The following TBC1D1 variants were observed in gnomAD, a reference collection of about 807,000 sequenced individuals.
The protein encoded by TBC1D1 is TBC1 (tre-2/USP6, BUB2, cdc16) domain family, member 1.
In TBC1D1, 89 loss-of-function variants were observed where a neutral mutation model predicts 125.6. The observed-to-expected ratio is 0.71, with a 90% confidence interval of 0.60 to 0.85. The LOEUF (loss-of-function observed/expected upper bound fraction) is 0.85. TBC1D1 is among the 40% of genes least tolerant of loss of function. The pLI is 0.00. For missense variants in TBC1D1, 1,377 were observed against 1,469.2 expected (o/e 0.94, Z 1.03); for synonymous variants, 565 against 564.1 (o/e 1.00, Z -0.02).
intron 2 of TBC1D1, among the ~76,000 whole-genome samples, chr4:37,922,912 A>G (rs1721314532): frequency 6.6e-6 from 1 of 152,090 alleles, no homozygotes; most frequent in South Asian, 2.1e-4. Context: ...AACGAAGACA[A>G]TAAGGAGGTG....
chr4:37,956,901 C>A (rs1246756310), intron 2 of TBC1D1, among the ~76,000 whole-genome samples: 1 of 151,182 alleles, frequency 6.6e-6, no homozygotes, highest in East Asian at 1.9e-4. Flanking sequence ...ATCGCGCCAC[C>A]GCACTCCAGC....
intron 12 of TBC1D1, among the ~76,000 whole-genome samples, chr4:38,059,068 C>T (rs1046607991): frequency 3.3e-5 from 5 of 152,242 alleles, no homozygotes; most frequent in Admixed American, 2.0e-4. Context: ...GCACAAAATC[C>T]CCATGAAATA....
intron 2 of TBC1D1, among the ~76,000 whole-genome samples, chr4:37,965,789 C>T (rs550934169): frequency 1.3e-5 from 2 of 152,180 alleles, no homozygotes; most frequent in African/African-American, 4.8e-5. Flanking sequence ...CTCACTCTGT[C>T]ACCAAGGCTG....
chr4:38,010,126 TAAAG>T (rs748783251), intron 2 of TBC1D1, among the ~76,000 whole-genome samples: 1 of 152,242 alleles, frequency 6.6e-6, no homozygotes, highest in Non-Finnish European at 1.5e-5. Flanking sequence ...TTAGACTAAA[TAAAG>T]TTTTACTTGA....
chr4:37,961,982 G>T (rs1730146628), intron 2 of TBC1D1, among the ~76,000 whole-genome samples: 1 of 152,196 alleles, frequency 6.6e-6, no homozygotes, highest in Admixed American at 6.5e-5. Context: ...TAAAACTGGA[G>T]AAGGTTTAAG....
chr4:38,085,558 A>G (rs1757345578), intron 12 of TBC1D1, among the ~76,000 whole-genome samples: 1 of 152,100 alleles, frequency 6.6e-6, no homozygotes, highest in Non-Finnish European at 1.5e-5. Context: ...AGGCACCAAC[A>G]CAGTTGGCCC....
At chr4:38,065,017 G>A (rs1254676039) in intron 12 of TBC1D1, among the ~76,000 whole-genome samples, 2 of 151,228 alleles carry the variant, frequency 1.3e-5, no homozygotes, top group South Asian at 2.1e-4. Flanking sequence ...TGCAACCTCC[G>A]CCTCCTGAGT....
intron 2 of TBC1D1, among the ~76,000 whole-genome samples, chr4:37,985,031 C>A (rs1401439497): frequency 2.0e-5 from 3 of 151,904 alleles, no homozygotes; most frequent in Non-Finnish European, 4.4e-5. Flanking sequence ...CGGCTCACTG[C>A]AACCTCTGCC....
intron 12 of TBC1D1, among the ~76,000 whole-genome samples, chr4:38,080,160 C>A (rs1405416048): frequency 6.6e-6 from 1 of 152,212 alleles, no homozygotes; most frequent in Non-Finnish European, 1.5e-5. Flanking sequence ...CAGCTGTGAC[C>A]CCTGTGCTGC....
At chr4:38,079,220 G>A (rs1477736704) in intron 12 of TBC1D1, among the ~76,000 whole-genome samples, 1 of 152,184 alleles carries the variant, frequency 6.6e-6, no homozygotes, top group East Asian at 1.9e-4. Flanking sequence ...GTTTATGTTA[G>A]GTGAGTCATC....
chr4:38,085,501 A>AC (rs1757336478), intron 12 of TBC1D1, among the ~76,000 whole-genome samples: 1 of 151,908 alleles, frequency 6.6e-6, no homozygotes, highest in Non-Finnish European at 1.5e-5. Flanking sequence ...CATTTCTCAC[A>AC]TTTTACACTG....
chr4:38,025,579 CAG>C (rs753907049), intron 6 of TBC1D1, among the ~76,000 whole-genome samples: 4 of 152,204 alleles, frequency 2.6e-5, no homozygotes, highest in Non-Finnish European at 5.9e-5. Context: ...CTGAGATTGG[CAG>C]AGTGTCGAGT....
intron 18 of TBC1D1, among the ~76,000 whole-genome samples, chr4:38,130,062 T>A (rs616981): frequency 0.91 from 138,696 of 152,264 alleles, 63,320 homozygotes; most frequent in Middle Eastern, 0.95. Flanking sequence ...ATGTATAAGG[T>A]TATTCTCCTA....
intron 2 of TBC1D1, among the ~76,000 whole-genome samples, chr4:37,954,322 A>G (rs760660806): frequency 3.3e-5 from 5 of 151,898 alleles, no homozygotes; most frequent in Non-Finnish European, 4.4e-5. Flanking sequence ...GAACATGTTG[A>G]CTTTTAGATG....
intron 2 of TBC1D1, among the ~76,000 whole-genome samples, chr4:38,004,846 T>A (rs993619556): frequency 6.6e-6 from 1 of 152,270 alleles, no homozygotes; most frequent in African/African-American, 2.4e-5. Context: ...GAGTACATTT[T>A]GTAGCTGTGT....
intron 2 of TBC1D1, among the ~76,000 whole-genome samples, chr4:37,934,006 C>T (rs1017324044): frequency 6.6e-6 from 1 of 152,186 alleles, no homozygotes; most frequent in Non-Finnish European, 1.5e-5. Flanking sequence ...AGCAGAAGCA[C>T]CTGTATTGCA....
intron 15 of TBC1D1, among the ~76,000 whole-genome samples, chr4:38,105,604 C>T (rs1471814009): frequency 1.3e-5 from 2 of 152,142 alleles, no homozygotes; most frequent in African/African-American, 4.8e-5. Context: ...CCTCTCCACC[C>T]CCCAGGAGTC....
chr4:37,994,816 T>C (rs2152394342), intron 2 of TBC1D1, among the ~76,000 whole-genome samples: 1 of 152,326 alleles, frequency 6.6e-6, no homozygotes, highest in African/African-American at 2.4e-5. Flanking sequence ...CTTTTCATTC[T>C]TTTGTTCTCC....
chr4:37,947,690 T>G (rs4351030), intron 2 of TBC1D1, among the ~76,000 whole-genome samples: 1,934 of 152,192 alleles, frequency 0.013, 41 homozygotes, highest in African/African-American at 0.044. Flanking sequence ...TACTTCTGTT[T>G]CTATAAAACT....
Sources: allele counts gnomAD v4.1 joint callset (sites outside exome capture counted in the v4.1 genomes callset), GRCh38; gene constraint gnomAD v4.1.1; transcripts MANE v1.5; gene names NCBI Gene and HGNC (gene_info 2026-07-23, HGNC 2026-07-21).